Variants in CELF4 observed in about 807,000 individuals in gnomAD.
CELF4 encodes CUG-BP- and ETR-3-like factor 4.
Under a neutral mutation model 59.9 loss-of-function variants are expected in CELF4, and 18 were observed. The ratio of observed to expected loss-of-function variants is 0.30; its 90% CI spans 0.21 to 0.45. The LOEUF is 0.45. Among genes scored for constraint, CELF4 ranks in the 20% least tolerant of loss-of-function variants. CELF4 has a pLI of 1.00. For missense variants in CELF4, 456 were observed against 689.0 expected (o/e 0.66, Z 3.79); for synonymous variants, 261 against 267.1 (o/e 0.98, Z 0.22).
At chr18:37,438,515 A>G (rs925903795) in intron 2 of CELF4, among the ~76,000 whole-genome samples, 1 of 152,110 alleles carries the variant, frequency 6.6e-6, no homozygotes, top group African/African-American at 2.4e-5. Context: ...CCTACCTCTC[A>G]ATGTCGTGCA....
intron 3 of CELF4, chr18:37,276,699 A>T (rs537448942): frequency 6.6e-6 from 1 of 152,162 alleles, no homozygotes; most frequent in Non-Finnish European, 1.5e-5. Context: ...TGCCCTGTGA[A>T]TTCCTGACCC....
chr18:37,503,229 C>CACCT (rs1162116159), intron 1 of CELF4, among the ~76,000 whole-genome samples: 1 of 152,242 alleles, frequency 6.6e-6, no homozygotes, highest in East Asian at 1.9e-4. Flanking sequence ...GATTCTTTCC[C>CACCT]ACCTGTCTGC....
chr18:37,270,410 T>G (rs760508049), intron 8 of CELF4, among the ~76,000 whole-genome samples: 8 of 152,256 alleles, frequency 5.3e-5, no homozygotes, highest in Non-Finnish European at 8.8e-5. Context: ...TCTTCTAGTT[T>G]CTATCCCCTT....
At chr18:37,328,760 C>T (rs1003024914) in intron 2 of CELF4, among the ~76,000 whole-genome samples, 1 of 152,156 alleles carries the variant, frequency 6.6e-6, no homozygotes, top group South Asian at 2.1e-4. Context: ...ATGCTCTGCC[C>T]TCCAACCCCA....
chr18:37,319,407 G>A (rs2097002275), intron 3 of CELF4, among the ~76,000 whole-genome samples: 1 of 152,226 alleles, frequency 6.6e-6, no homozygotes, highest in Admixed American at 6.5e-5. Context: ...GTGTGAGGAG[G>A]TGCGTCTATG....
chr18:37,321,967 C>T lies in CELF4; in HGVS notation c.370-86G>A, dbSNP rs1028311759. The T allele has an allele frequency of 1.4e-5, 15 of 1,063,808 alleles. No individual in the cohort carries two copies. In the Middle Eastern group the frequency reaches 1.7e-3, roughly 118 times the overall value. The allele number at this position is 1,063,808 out of a possible 1,614,324, so 65.9% of individuals were successfully genotyped here. ...CAGCACTCAGGTGCACAGGTGAATG[C>T]GAGTATACAGACTGCACCCACAGAC... On this transcript the variant is annotated intron_variant, in intron 2 of 12. Transcript: ENST00000420428.
chr18:37,251,850 G>A (rs1001757728), intron 12 of CELF4, among the ~76,000 whole-genome samples: 1 of 152,176 alleles, frequency 6.6e-6, no homozygotes, highest in Non-Finnish European at 1.5e-5. Flanking sequence ...CCAGTGCCTG[G>A]CACAAGAAGG....
chr18:37,430,612 G>GT (rs1161374593), intron 2 of CELF4, among the ~76,000 whole-genome samples: 1 of 152,220 alleles, frequency 6.6e-6, no homozygotes, highest in South Asian at 2.1e-4. Context: ...TTAGGGCCTG[G>GT]TTTTTGCAAA....
chr18:37,386,119 C>T (rs935298610), intron 2 of CELF4, among the ~76,000 whole-genome samples: 2 of 152,362 alleles, frequency 1.3e-5, no homozygotes, highest in South Asian at 2.1e-4. Flanking sequence ...TTTTCTCACT[C>T]TTCTGCCACC....
At chr18:37,319,694 C>T (rs988001753) in intron 3 of CELF4, among the ~76,000 whole-genome samples, 1 of 152,218 alleles carries the variant, frequency 6.6e-6, no homozygotes. Context: ...TTCACCTGCT[C>T]GACATTTTGC....
intron 2 of CELF4, among the ~76,000 whole-genome samples, chr18:37,477,880 C>T (rs2099854686): frequency 6.6e-6 from 1 of 152,290 alleles, no homozygotes; most frequent in African/African-American, 2.4e-5. Flanking sequence ...ATCCAAGCCA[C>T]ATTGGGGCAG....
chr18:37,260,814 G>A (rs956769524), intron 10 of CELF4, among the ~76,000 whole-genome samples: 6 of 152,008 alleles, frequency 3.9e-5, no homozygotes, highest in East Asian at 1.9e-4. Flanking sequence ...CTTGGTGCTC[G>A]CCCTGTGCCC....
At chr18:37,323,410 T>A (rs2097191921) in intron 2 of CELF4, among the ~76,000 whole-genome samples, 1 of 152,156 alleles carries the variant, frequency 6.6e-6, no homozygotes, top group Non-Finnish European at 1.5e-5. Flanking sequence ...CAAATTCCAA[T>A]CACAGGGAGA....
chr18:37,327,684 C>T (rs2154528571), intron 2 of CELF4, among the ~76,000 whole-genome samples: 1 of 152,240 alleles, frequency 6.6e-6, no homozygotes, highest in Admixed American at 6.5e-5. Context: ...AAGGGGGGGT[C>T]CACTCCTGCA....
At chr18:37,470,763 G>A (rs1379334193) in intron 2 of CELF4, among the ~76,000 whole-genome samples, 1 of 151,910 alleles carries the variant, frequency 6.6e-6, no homozygotes, top group Non-Finnish European at 1.5e-5. Context: ...TTCTGAAGCT[G>A]GAGGAGCAGT....
chr18:37,307,283 A>T (rs2096461751), intron 3 of CELF4, among the ~76,000 whole-genome samples: 1 of 152,150 alleles, frequency 6.6e-6, no homozygotes, highest in Non-Finnish European at 1.5e-5. Context: ...TCACAGCCCC[A>T]CAGTCGTGGG....
chr18:37,476,766 A>AG (rs377349042), intron 2 of CELF4, among the ~76,000 whole-genome samples: 2 of 152,198 alleles, frequency 1.3e-5, no homozygotes, highest in African/African-American at 4.8e-5. Flanking sequence ...TTCTGGCGAA[A>AG]GGTCAACAAA....
intron 10 of CELF4, among the ~76,000 whole-genome samples, chr18:37,263,660 C>A (rs938346040): frequency 3.9e-5 from 6 of 152,082 alleles, no homozygotes; most frequent in African/African-American, 1.4e-4. Context: ...GATGGGAAGA[C>A]ACTGACTGGC....
At chr18:37,496,241 C>T (rs2099925081) in intron 1 of CELF4, among the ~76,000 whole-genome samples, 1 of 152,232 alleles carries the variant, frequency 6.6e-6, no homozygotes, top group Non-Finnish European at 1.5e-5. Context: ...TTCTGCTGTT[C>T]TCATCTGTGA....
Sources: gnomAD v4.1 joint callset for allele counts (sites outside exome capture counted in the v4.1 genomes callset) on GRCh38, gnomAD v4.1.1 for gene constraint, MANE v1.5 for transcripts, NCBI Gene and HGNC (gene_info 2026-07-23, HGNC 2026-07-21) for gene names.